CTDSPL2: variants seen among roughly 807,000 people sequenced by gnomAD.
The protein encoded by CTDSPL2 is CTD small phosphatase like 2.
In CTDSPL2, 5 loss-of-function variants were observed where a neutral mutation model predicts 60.0. That is an observed-to-expected ratio of 0.08 (90% CI 0.04 to 0.18). The LOEUF is 0.18. Ranked by LOEUF, CTDSPL2 falls within the 10% of genes least tolerant of loss-of-function variation. The pLI is 1.00. For synonymous variants in CTDSPL2, 186 were observed against 189.3 expected (o/e 0.98, Z 0.14); for missense variants, 370 against 548.8 (o/e 0.67, Z 3.26).
intron 1 of CTDSPL2, among the ~76,000 whole-genome samples, chr15:44,434,924 A>G (rs1367892974): frequency 6.6e-6 from 1 of 152,270 alleles, no homozygotes; most frequent in East Asian, 1.9e-4. Flanking sequence ...GATGATCCAG[A>G]AAGACCACCT....
chr15:44,500,911 A>G (rs2081372428), intron 8 of CTDSPL2, among the ~76,000 whole-genome samples: 1 of 152,166 alleles, frequency 6.6e-6, no homozygotes, highest in South Asian at 2.1e-4. Context: ...TTTTTATGTA[A>G]GCTGATTTTA....
chr15:44,448,018 G>A lies in CTDSPL2; in HGVS notation c.-24-10973G>A, dbSNP rs987087760. The A allele has an allele frequency of 1.3e-5, 3 of 231,410 alleles. No homozygotes were observed. In the East Asian group the frequency reaches 3.8e-4, roughly 29 times the overall value. 14.3% of individuals were successfully genotyped at this position (231,410 alleles called of 1,614,324 possible). On this transcript the variant is annotated intron_variant, in intron 1 of 12. Coordinates refer to ENST00000260327, the MANE Select transcript of CTDSPL2 (RefSeq NM_016396.3). ...AGACTGTTGGCACCCGTCCACCCCA[G>A]TTCCATCCGGATGTTCCAGGTTGTT... is the stretch of plus-strand genomic sequence containing the variant.
chr15:44,428,950 C>T (rs1486958968), intron 1 of CTDSPL2, among the ~76,000 whole-genome samples: 2 of 151,918 alleles, frequency 1.3e-5, no homozygotes, highest in South Asian at 2.1e-4. Context: ...TTGGTGTTTT[C>T]GGAATTTATT....
intron 10 of CTDSPL2, among the ~76,000 whole-genome samples, chr15:44,516,239 A>G (rs1480723299): frequency 1.3e-5 from 2 of 152,074 alleles, no homozygotes; most frequent in East Asian, 3.9e-4. Context: ...AACTGCTGGC[A>G]TTACAGGCGT....
chr15:44,477,721 C>G (rs2080947480), intron 2 of CTDSPL2, among the ~76,000 whole-genome samples: 1 of 151,836 alleles, frequency 6.6e-6, no homozygotes, highest in South Asian at 2.1e-4. Context: ...GCCTGTAATC[C>G]CAGCTACTTG....
chr15:44,498,139 T>C (rs573075983), intron 7 of CTDSPL2, among the ~76,000 whole-genome samples: 7 of 152,338 alleles, frequency 4.6e-5, no homozygotes, highest in African/African-American at 1.7e-4. Context: ...AAAATCTGTT[T>C]ACTTTTTTTA....
At chr15:44,513,324 G>A (rs939221012) in intron 8 of CTDSPL2, among the ~76,000 whole-genome samples, 1 of 151,328 alleles carries the variant, frequency 6.6e-6, no homozygotes, top group African/African-American at 2.4e-5. Flanking sequence ...AAAGTTAGCC[G>A]GTCGTGGTGA....
chr15:44,509,993 CTT>C (rs879514192), intron 8 of CTDSPL2, among the ~76,000 whole-genome samples: 1 of 144,664 alleles, frequency 6.9e-6, no homozygotes. Context: ...TTCACAACAC[CTT>C]TTTTTTTTTG....
intron 10 of CTDSPL2, 38 bp from the exon 11 acceptor site, chr15:44,519,131 G>C (rs2081711636): frequency 1.2e-6 from 1 of 844,300 alleles, no homozygotes; most frequent in Non-Finnish European, 1.6e-6. Context: ...TTTTTAGAAA[G>C]TTTTTTTTTT....
chr15:44,452,415 A>G, intron 1 of CTDSPL2, among the ~76,000 whole-genome samples: 1 of 152,150 alleles, frequency 6.6e-6, no homozygotes, highest in Non-Finnish European at 1.5e-5. Flanking sequence ...TGAAAACACC[A>G]CAGTATTCAT....
intron 2 of CTDSPL2, among the ~76,000 whole-genome samples, chr15:44,479,077 C>CAA (rs528316321): frequency 3.1e-4 from 42 of 137,600 alleles, no homozygotes; most frequent in African/African-American, 9.7e-4. Flanking sequence ...AACAAACAAA[C>CAA]AAAAAAAAAA....
At chr15:44,439,005 G>C (rs977853170) in intron 1 of CTDSPL2, among the ~76,000 whole-genome samples, 1 of 151,962 alleles carries the variant, frequency 6.6e-6, no homozygotes, top group African/African-American at 2.4e-5. Context: ...CCAATGTCAT[G>C]AATTCTTAGG....
intron 1 of CTDSPL2, among the ~76,000 whole-genome samples, chr15:44,439,421 A>G (rs1247151567): frequency 6.6e-6 from 1 of 151,858 alleles, no homozygotes; most frequent in East Asian, 1.9e-4. Flanking sequence ...CGGCCTCCCA[A>G]GTGCTGGGAT....
intron 2 of CTDSPL2, among the ~76,000 whole-genome samples, chr15:44,474,558 T>C (rs2080876700): frequency 6.6e-6 from 1 of 152,070 alleles, no homozygotes; most frequent in Non-Finnish European, 1.5e-5. Flanking sequence ...TAAACGTGGC[T>C]ATAAAGAATG....
In CTDSPL2 at chr15:44,477,538, A is replaced by T. The variant is rs554733004; in HGVS notation, c.187-6686A>T. 2.1e-3 allele frequency among the ~76,000 whole-genome samples: 291 copies of T among 136,582 alleles called. 1 individual carries two copies. The highest frequency in any genetic ancestry group is 3.7e-3 in the Middle Eastern group (1 of 270). 89.6% of individuals were successfully genotyped at this position (136,582 alleles called of 152,430 possible). ...TGACAGGGCAAGACCCTGTCTTTTT[A>T]AAAAAAAAAAAGTACTTGCCAGGCA... On this transcript the variant is annotated intron_variant, in intron 2 of 12. Coordinates refer to ENST00000260327, the MANE Select transcript of CTDSPL2 (RefSeq NM_016396.3).
At chr15:44,455,273 A>G (rs1156585181) in intron 1 of CTDSPL2, among the ~76,000 whole-genome samples, 5 of 152,218 alleles carry the variant, frequency 3.3e-5, no homozygotes, top group Non-Finnish European at 7.3e-5. Flanking sequence ...TTGATTTTGT[A>G]TCCTGAGACT....
At chr15:44,477,156 G>A (rs1045142815) in intron 2 of CTDSPL2, among the ~76,000 whole-genome samples, 1 of 152,200 alleles carries the variant, frequency 6.6e-6, no homozygotes, top group African/African-American at 2.4e-5. Flanking sequence ...TTGATCCCAG[G>A]AGACAAAGGC....
At chr15:44,436,185 C>G (rs983639225) in intron 1 of CTDSPL2, among the ~76,000 whole-genome samples, 2 of 152,098 alleles carry the variant, frequency 1.3e-5, no homozygotes, top group Non-Finnish European at 1.5e-5. Context: ...TTAGCTTTTT[C>G]TTTCATGAAT....
chr15:44,467,767 G>T (rs1269335426), intron 2 of CTDSPL2, among the ~76,000 whole-genome samples: 2 of 152,124 alleles, frequency 1.3e-5, no homozygotes, highest in Middle Eastern at 3.4e-3. Flanking sequence ...TAGAGATGGG[G>T]TTTCACCATG....
Sources: gnomAD v4.1 joint callset for allele counts (sites outside exome capture counted in the v4.1 genomes callset) on GRCh38, gnomAD v4.1.1 for gene constraint, MANE v1.5 for transcripts, NCBI Gene and HGNC (gene_info 2026-07-23, HGNC 2026-07-21) for gene names.